LRRC4C: variants seen among roughly 807,000 people sequenced by gnomAD.
LRRC4C encodes leucine-rich repeat-containing protein 4C.
In LRRC4C, 5 loss-of-function variants were observed where a neutral mutation model predicts 33.6. The observed-to-expected ratio is 0.15, with a 90% CI of 0.08 to 0.31. The LOEUF (loss-of-function observed/expected upper bound fraction) is 0.31. LRRC4C is among the 10% of genes least tolerant of loss of function. The pLI is 1.00. For synonymous variants in LRRC4C, 329 were observed against 302.0 expected (o/e 1.09, Z -0.93); for missense variants, 560 against 796.7 (o/e 0.70, Z 3.58).
At chr11:40,636,071 A>G (rs1963935662) in intron 3 of LRRC4C, among the ~76,000 whole-genome samples, 1 of 152,182 alleles carries the variant, frequency 6.6e-6, no homozygotes, top group African/African-American at 2.4e-5. Flanking sequence ...CCAGATAAGC[A>G]GCAAAACACG....
intron 2 of LRRC4C, among the ~76,000 whole-genome samples, chr11:40,860,685 A>G (rs999127484): frequency 1.4e-5 from 2 of 148,090 alleles, no homozygotes; most frequent in Admixed American, 1.4e-4. Flanking sequence ...CCCTACCCCA[A>G]CTCCTCCAGG....
At chr11:40,605,089 G>A (rs543796577) in intron 3 of LRRC4C, among the ~76,000 whole-genome samples, 47 of 152,194 alleles carry the variant, frequency 3.1e-4, no homozygotes, top group African/African-American at 8.2e-4. Flanking sequence ...TATGAAAATA[G>A]CTGGAACTGC....
intron 2 of LRRC4C, among the ~76,000 whole-genome samples, chr11:40,814,551 G>A (rs1210411368): frequency 6.6e-6 from 1 of 151,980 alleles, no homozygotes; most frequent in African/African-American, 2.4e-5. Context: ...TTCACATTTG[G>A]TTCCTTGTTC....
intron 1 of LRRC4C, among the ~76,000 whole-genome samples, chr11:41,446,065 C>T (rs12796690): frequency 0.11 from 17,156 of 152,146 alleles, 1,218 homozygotes; most frequent in Non-Finnish European, 0.15. Context: ...AACGTTAAAA[C>T]AAGTGAAAGT....
chr11:40,692,122 A>G (rs1945245008), intron 2 of LRRC4C, among the ~76,000 whole-genome samples: 1 of 152,104 alleles, frequency 6.6e-6, no homozygotes, highest in African/African-American at 2.4e-5. Context: ...AGAAATGTGT[A>G]TGATACAGAT....
At chr11:40,467,920 T>C (rs1054824837) in intron 3 of LRRC4C, among the ~76,000 whole-genome samples, 1 of 152,194 alleles carries the variant, frequency 6.6e-6, no homozygotes, top group Non-Finnish European at 1.5e-5. Flanking sequence ...TATTGACTGA[T>C]GGAGCTGTTG....
intron 1 of LRRC4C, among the ~76,000 whole-genome samples, chr11:41,230,416 C>T (rs1336877356): frequency 1.3e-5 from 2 of 152,036 alleles, no homozygotes; most frequent in Non-Finnish European, 2.9e-5. Context: ...TCCCTACCTT[C>T]AGTGGAGAGG....
At chr11:41,121,850 A>G (rs1246759177) in intron 1 of LRRC4C, among the ~76,000 whole-genome samples, 1 of 152,182 alleles carries the variant, frequency 6.6e-6, no homozygotes, top group African/African-American at 2.4e-5. Context: ...TAGGCAGATC[A>G]ATAATTTCCA....
chr11:40,585,282 C>T (rs4755554), intron 3 of LRRC4C, among the ~76,000 whole-genome samples: 49,983 of 151,938 alleles, frequency 0.33, 8,514 homozygotes, highest in African/African-American at 0.42. Context: ...GCCCACCCTA[C>T]ATCACTCTGG....
chr11:41,383,971 G>T (rs914084435), intron 1 of LRRC4C, among the ~76,000 whole-genome samples: 1 of 151,914 alleles, frequency 6.6e-6, no homozygotes, highest in African/African-American at 2.4e-5. Flanking sequence ...AGGGTTTTGT[G>T]CCCTTTGACC....
rs184221805 is a variant in LRRC4C at position 40,485,421 on chromosome 11, C to G, written c.-270+162721G>C. Among the ~76,000 whole-genome samples, 8 of 151,840 alleles carry G rather than the reference C, an allele frequency of 5.3e-5. No homozygotes were observed. The East Asian group carries it at 1.6e-3, about 29-fold the overall frequency. ...GAGTTACATGTTTATTCTGTTTTTTCTTTTTGGCAAAGTTCTTTCTAAGAC... is the reference window on the plus strand; with the variant it reads ...GAGTTACATGTTTATTCTGTTTTTTGTTTTTGGCAAAGTTCTTTCTAAGAC... On this transcript the variant is annotated intron_variant, in intron 3 of 6. Coordinates refer to ENST00000528697, the MANE Select transcript of LRRC4C (RefSeq NM_001258419.2).
intron 1 of LRRC4C, among the ~76,000 whole-genome samples, chr11:40,941,269 AATAG>A (rs1958131642): frequency 6.6e-6 from 1 of 152,212 alleles, no homozygotes; most frequent in African/African-American, 2.4e-5. Context: ...ACCAGTAATA[AATAG>A]AAACATTCTA....
In LRRC4C at chr11:40,156,059, A is replaced by G. The variant is rs1478056594; in HGVS notation, c.-95-15206T>C. On this transcript the variant is annotated intron_variant, in intron 5 of 6. Transcript: ENST00000528697. ...GGGATGGTTTAACATACGCACGTCA[A>G]TAAATGTAATACACCACATAAACAG... 3.9e-5 allele frequency among the ~76,000 whole-genome samples: 6 copies of G among 152,238 alleles called. 1 individual carries two copies. In the East Asian group the frequency reaches 1.2e-3, roughly 29 times the overall value.
chr11:40,601,212 G>T (rs1267622678), intron 3 of LRRC4C, among the ~76,000 whole-genome samples: 1 of 151,912 alleles, frequency 6.6e-6, no homozygotes, highest in African/African-American at 2.4e-5. Flanking sequence ...TACTATTTCC[G>T]AATGACTTTT....
chr11:40,560,435 C>A (rs1047806551), intron 3 of LRRC4C, among the ~76,000 whole-genome samples: 2 of 121,158 alleles, frequency 1.7e-5, no homozygotes, highest in Non-Finnish European at 3.5e-5. Context: ...GATGTGTGTG[C>A]CTGTGTTTGT....
chr11:40,453,225 G>A (rs1281282425), intron 3 of LRRC4C, among the ~76,000 whole-genome samples: 3 of 152,056 alleles, frequency 2.0e-5, no homozygotes, highest in Admixed American at 2.0e-4. Context: ...TTGCCATGGA[G>A]CCAGCATGGG....
intron 1 of LRRC4C, among the ~76,000 whole-genome samples, chr11:40,964,240 T>C (rs1038004729): frequency 2.0e-5 from 3 of 151,734 alleles, no homozygotes; most frequent in Non-Finnish European, 4.4e-5. Flanking sequence ...TTTTTATCAT[T>C]GATTTATATC....
intron 1 of LRRC4C, among the ~76,000 whole-genome samples, chr11:41,185,186 CA>C (rs1460254547): frequency 1.3e-5 from 2 of 151,858 alleles, no homozygotes; most frequent in Non-Finnish European, 2.9e-5. Flanking sequence ...ATTATCTATT[CA>C]AAAAATAAAT....
chr11:40,819,473 T>C (rs1259394661), intron 2 of LRRC4C, among the ~76,000 whole-genome samples: 1 of 152,160 alleles, frequency 6.6e-6, no homozygotes, highest in Non-Finnish European at 1.5e-5. Context: ...GGCACCTTTG[T>C]TGTAGTTGAT....
Sources: gnomAD v4.1 joint callset for allele counts (sites outside exome capture counted in the v4.1 genomes callset) on GRCh38, gnomAD v4.1.1 for gene constraint, MANE v1.5 for transcripts, NCBI Gene and HGNC (gene_info 2026-07-23, HGNC 2026-07-21) for gene names.